Variants in PNO1 observed in about 807,000 individuals in gnomAD.
PNO1 encodes partner of NOB1 homolog.
PNO1 carries 16 observed loss-of-function variants against 28.4 expected under a neutral mutation model. The observed-to-expected ratio is 0.56, with a 90% confidence interval of 0.38 to 0.85. PNO1 has a LOEUF of 0.85. Ranked by LOEUF, PNO1 falls within the 40% of genes least tolerant of loss-of-function variation. The pLI is 0.00. For missense variants in PNO1, 304 were observed against 312.2 expected (o/e 0.97, Z 0.20); for synonymous variants, 115 against 110.8 (o/e 1.04, Z -0.24).
At chr2:68,173,646 G>A (rs1203259811) in intron 6 of PNO1, among the ~76,000 whole-genome samples, 1 of 144,622 alleles carries the variant, frequency 6.9e-6, no homozygotes, top group Non-Finnish European at 1.5e-5. Context: ...GCAGTGGTGC[G>A]ATCTCGGCTC....
rs1248950943 is a variant in PNO1, at chr2:68,176,062, CCAT to C, written c.*1264_*1266del. The C allele has an allele frequency of 6.6e-6, 1 of 152,078 alleles. No homozygotes were observed. The highest frequency in any genetic ancestry group is 1.9e-4 in the East Asian group (1 of 5,202). The allele number at this position is 152,078 out of a possible 1,614,324, so 9.4% of individuals were successfully genotyped here. A position where few individuals can be genotyped will look rare whatever the true frequency, so the allele number is the denominator to read the frequency against. On this transcript the variant is annotated 3_prime_UTR_variant, in exon 7 of 7. Transcript: ENST00000263657. ...TAAAGTTGAAAAATAATAGTAAGAA[CCAT>C]CATAAGTCTGTTTCTTCTAGTAAAG...
intron 5 of PNO1, among the ~76,000 whole-genome samples, chr2:68,163,257 C>A (rs1673883706): frequency 6.6e-6 from 1 of 152,148 alleles, no homozygotes; most frequent in Non-Finnish European, 1.5e-5. Flanking sequence ...TCGGGTTGGG[C>A]ACAGTGGCTC....
chr2:68,173,180 T>A, intron 5 of PNO1, 167 bp from the exon 6 acceptor site: 1 of 448,454 alleles, frequency 2.2e-6, no homozygotes. Context: ...TACACCCAGC[T>A]AACTGTTGAA....
In PNO1 at chr2:68,173,359, C is replaced by T; in HGVS notation, c.633C>T (p.Ile211=). Residue 211 remains isoleucine (I), a synonymous_variant, in exon 6 of 7, where the codon ATC becomes ATT. Coordinates refer to ENST00000263657, the MANE Select transcript of PNO1 (RefSeq NM_020143.4). ...TTATTTCTTTCAGGAAAGTTCACAT[C>T]CTTGGCTCCTTCCAAAATATCAAGA... is the stretch of plus-strand genomic sequence containing the variant. ...RIVLADVKVH[I]LGSFQNIKMA... The T allele has an allele frequency of 6.2e-7, 1 of 1,600,468 alleles. No individual in the cohort carries two copies. Among genetic ancestry groups the T allele is most frequent in the Non-Finnish European group, 8.6e-7 (1 of 1,167,906 alleles).
intron 5 of PNO1, among the ~76,000 whole-genome samples, chr2:68,164,876 C>G (rs540534385): frequency 1.2e-4 from 18 of 152,250 alleles, no homozygotes; most frequent in Middle Eastern, 3.4e-3. Context: ...CCAGATAAAC[C>G]TGTTGTAAAT....
chr2:68,173,237 A>G, intron 5 of PNO1, 110 bp from the exon 6 acceptor site: 1 of 711,326 alleles, frequency 1.4e-6, no homozygotes, highest in Non-Finnish European at 2.5e-6. Flanking sequence ...GGCTTGTCTC[A>G]GACTCCTGGC....
chr2:68,166,340 T>C (rs1673995121), intron 5 of PNO1, among the ~76,000 whole-genome samples: 1 of 152,182 alleles, frequency 6.6e-6, no homozygotes, highest in Non-Finnish European at 1.5e-5. Context: ...TAAACACATA[T>C]TTTGTATGTT....
rs868610948 is a variant in PNO1, at chr2:68,166,695, C to T, written c.620+4032C>T. On this transcript the variant is annotated intron_variant, in intron 5 of 6. Transcript: ENST00000263657. Reference sequence around the variant, plus strand: ...CCACAGTTTTTAGTTTCAGTGCCCACGTCATAAAAGGGTCTATGTCATAAA... The same window carrying T: ...CCACAGTTTTTAGTTTCAGTGCCCATGTCATAAAAGGGTCTATGTCATAAA... 5.9e-5 allele frequency among the ~76,000 whole-genome samples: 9 copies of T among 152,302 alleles called. No individual in the cohort carries two copies. The Middle Eastern group carries it at 0.01, about 173-fold the overall frequency.
intron 5 of PNO1, among the ~76,000 whole-genome samples, chr2:68,163,249 G>A (rs1041364171): frequency 5.9e-5 from 9 of 152,104 alleles, no homozygotes; most frequent in African/African-American, 7.2e-5. Flanking sequence ...ATAATATCTC[G>A]GGTTGGGCAC....
intron 6 of PNO1, 148 bp downstream of exon 6, chr2:68,173,565 A>G (rs1189532740): frequency 2.0e-6 from 1 of 504,400 alleles, no homozygotes; most frequent in African/African-American, 2.1e-5. Flanking sequence ...GGGCCTAGAG[A>G]AGGAAGTAGA....
intron 5 of PNO1, among the ~76,000 whole-genome samples, chr2:68,166,805 A>G (rs1674006779): frequency 6.6e-6 from 1 of 152,186 alleles, no homozygotes; most frequent in Non-Finnish European, 1.5e-5. Context: ...CTGCTTCTAC[A>G]TCATCTTCCT....
intron 5 of PNO1, among the ~76,000 whole-genome samples, chr2:68,165,406 T>G (rs1673964014): frequency 7.3e-6 from 1 of 137,660 alleles, no homozygotes; most frequent in African/African-American, 2.7e-5. Flanking sequence ...ACTAGCTGGG[T>G]GTGGTGGCAC....
Position 68,175,022 on chromosome 2 carries a change from AAC to A in PNO1, c.*224_*225del. The A allele has an allele frequency of 2.3e-5, 1 of 44,034 alleles. No individual in the cohort carries two copies. The highest frequency in any genetic ancestry group is 3.3e-5 in the Non-Finnish European group (1 of 30,530). The allele number at this position is 44,034 out of a possible 1,614,324, so 2.7% of individuals were successfully genotyped here. On this transcript the variant is annotated 3_prime_UTR_variant, in exon 7 of 7. Transcript: ENST00000263657. The stretch of plus-strand genomic sequence containing the variant: ...ATATCAAAAATTGATTGTTATACTT[AAC>A]ACATTAGGTATAATTTATCATTTAT...
At chr2:68,164,348 G>A (rs1434546647) in intron 5 of PNO1, among the ~76,000 whole-genome samples, 5 of 152,040 alleles carry the variant, frequency 3.3e-5, no homozygotes, top group African/African-American at 7.2e-5. Flanking sequence ...AAAATTAGCC[G>A]GGTGTGGCGG....
At chr2:68,168,573 T>A (rs954006618) in intron 5 of PNO1, among the ~76,000 whole-genome samples, 10 of 152,190 alleles carry the variant, frequency 6.6e-5, no homozygotes, top group African/African-American at 2.4e-4. Context: ...GAAAAAAAAA[T>A]ATCCTGTGGC....
intron 2 of PNO1, 21 bp downstream of exon 2, chr2:68,158,550 T>G (rs1317363145): frequency 6.2e-7 from 1 of 1,601,954 alleles, no homozygotes; most frequent in Non-Finnish European, 8.5e-7. Context: ...TCTCAATCAT[T>G]TCCCAATACA....
intron 5 of PNO1, among the ~76,000 whole-genome samples, chr2:68,165,565 A>AG (rs1673973462): frequency 6.9e-6 from 1 of 144,414 alleles, no homozygotes; most frequent in African/African-American, 2.6e-5. Context: ...AAAAAAAAAA[A>AG]CGGCTGGGCA....
At chr2:68,166,481 T>C (rs1186455028) in intron 5 of PNO1, among the ~76,000 whole-genome samples, 4 of 152,136 alleles carry the variant, frequency 2.6e-5, no homozygotes, top group African/African-American at 9.7e-5. Context: ...GTCTTCATGG[T>C]GAATAAGCTA....
chr2:68,172,389 C>A (rs1674153886), intron 5 of PNO1, among the ~76,000 whole-genome samples: 1 of 152,070 alleles, frequency 6.6e-6, no homozygotes, highest in Admixed American at 6.6e-5. Flanking sequence ...GAACTGGCCA[C>A]CATTTGAGAT....
Sources: allele counts gnomAD v4.1 joint callset (sites outside exome capture counted in the v4.1 genomes callset), GRCh38; gene constraint gnomAD v4.1.1; transcripts MANE v1.5; gene names NCBI Gene and HGNC (gene_info 2026-07-23, HGNC 2026-07-21).